RAD23B: variants seen among roughly 807,000 people sequenced by gnomAD.
RAD23B encodes the protein lysine-specific demethylase RAD23B.
In RAD23B, 5 loss-of-function variants were observed where a neutral mutation model predicts 49.1. The ratio of observed to expected loss-of-function variants is 0.10; its 90% CI spans 0.05 to 0.21. The LOEUF (loss-of-function observed/expected upper bound fraction) is 0.21, where lower values mean the gene tolerates loss of function less well. Among genes scored for constraint, RAD23B ranks in the 10% least tolerant of loss-of-function variants. RAD23B has a pLI of 1.00. For missense variants in RAD23B, 356 were observed against 486.7 expected (o/e 0.73, Z 2.53); for synonymous variants, 184 against 165.4 (o/e 1.11, Z -0.86).
At chr9:107,302,269 CAT>C (rs1028725877) in intron 3 of RAD23B, among the ~76,000 whole-genome samples, 155 bp downstream of exon 3, 4 of 152,138 alleles carry the variant, frequency 2.6e-5, no homozygotes, top group Admixed American at 2.0e-4. Flanking sequence ...TTAAGTGAAA[CAT>C]AAAGTTATTA....
intron 1 of RAD23B, among the ~76,000 whole-genome samples, chr9:107,289,446 A>G (rs949949494): frequency 2.0e-5 from 3 of 152,120 alleles, no homozygotes; most frequent in African/African-American, 7.2e-5. Flanking sequence ...TCAGCCTCCT[A>G]AAGTGCTGGG....
At chr9:107,313,248 C>T (rs984816496) in intron 5 of RAD23B, among the ~76,000 whole-genome samples, 7 of 151,432 alleles carry the variant, frequency 4.6e-5, no homozygotes, top group African/African-American at 9.7e-5. Flanking sequence ...CTTTTCCTTT[C>T]GTAGTCTCAC....
intron 1 of RAD23B, among the ~76,000 whole-genome samples, chr9:107,285,931 G>A (rs34745099): frequency 0.091 from 13,782 of 152,118 alleles, 811 homozygotes; most frequent in South Asian, 0.15. Flanking sequence ...TTTTTGATAC[G>A]ACACCTTAGA....
intron 4 of RAD23B, among the ~76,000 whole-genome samples, chr9:107,309,435 C>T (rs972914961): frequency 6.6e-6 from 1 of 152,104 alleles, no homozygotes; most frequent in Non-Finnish European, 1.5e-5. Context: ...AGACAAAACC[C>T]ATAAACAACA....
At chr9:107,306,817 A>G (rs998248669) in intron 4 of RAD23B, among the ~76,000 whole-genome samples, 170 bp downstream of exon 4, 3 of 152,132 alleles carry the variant, frequency 2.0e-5, no homozygotes, top group Non-Finnish European at 2.9e-5. Flanking sequence ...CTTACTAAGG[A>G]GAATATAAGT....
intron 6 of RAD23B, among the ~76,000 whole-genome samples, chr9:107,319,622 A>G (rs2133092855): frequency 6.6e-6 from 1 of 152,304 alleles, no homozygotes; most frequent in Admixed American, 6.5e-5. Context: ...AATCTAATTC[A>G]TTATCCTCTG....
chr9:107,323,836 CTGTT>C, intron 7 of RAD23B, 50 bp from the exon 8 acceptor site: 11 of 1,485,846 alleles, frequency 7.4e-6, no homozygotes, highest in Non-Finnish European at 1.0e-5. Context: ...TATTTAACCA[CTGTT>C]TGTGTATGTA....
intron 1 of RAD23B, among the ~76,000 whole-genome samples, chr9:107,295,694 C>T (rs536427452): frequency 1.5e-4 from 23 of 152,212 alleles, no homozygotes; most frequent in African/African-American, 3.9e-4. Flanking sequence ...TTTAGTGTAT[C>T]CTTTTCTCCA....
chr9:107,283,673 TA>T lies in RAD23B; in HGVS notation c.45del (p.Ile15MetfsTer9). On this transcript the variant is annotated frameshift_variant, in exon 1 of 10. Coordinates refer to ENST00000358015, the MANE Select transcript of RAD23B (RefSeq NM_002874.5). LOFTEE classifies it high-confidence loss of function. ...LKTLQQQTFK[I>X]DIDPEETVKA... Reference sequence around the variant, plus strand: ...ACCCTCCAGCAGCAGACCTTCAAGATAGACATTGACCCCGAGGAGACGGTAT... The same window carrying T: ...ACCCTCCAGCAGCAGACCTTCAAGATGACATTGACCCCGAGGAGACGGTAT... 6.8e-7 allele frequency: 1 copy of T among 1,481,296 alleles called. No individual in the cohort carries two copies. The highest frequency in any genetic ancestry group is 9.0e-7 in the Non-Finnish European group (1 of 1,113,502). 91.8% of individuals were successfully genotyped at this position (1,481,296 alleles called of 1,614,324 possible).
Position 107,311,749 on chromosome 9 carries a change from CT to C in RAD23B, c.553+16del. ...AACGAGTGCACTTGGTAAGTATCTG[CT>C]TTTCCTTATAAATAACCTATAAAGA... On this transcript the variant is annotated intron_variant, in intron 5 of 9. Coordinates refer to ENST00000358015, the MANE Select transcript of RAD23B (RefSeq NM_002874.5). 6.4e-7 allele frequency: 1 copy of C among 1,557,240 alleles called. No individual in the cohort carries two copies.
At position 107,324,208 on chromosome 9, in the gene RAD23B, TAA is replaced by T. The variant is rs565249225; in HGVS notation, c.945+193_945+194del. On this transcript the variant is annotated intron_variant, in intron 8 of 9. Transcript: ENST00000358015. ...AACAGTTGGGATATGGAGGTTGGGT[TAA>T]ATTAAGTTGACCAAATAGTAGTAAG... Among the ~76,000 whole-genome samples the T allele has an allele frequency of 2.0e-4, 30 of 152,356 alleles. No individual in the cohort carries two copies. In the East Asian group the frequency reaches 5.6e-3, roughly 28 times the overall value.
chr9:107,302,085 A>G lies in RAD23B; in HGVS notation c.199A>G (p.Lys67Glu). The change falls in exon 3 of 10, where the codon AAA (lysine) becomes GAA (glutamate). Residue 67 changes from lysine (K) to glutamate (E), a missense_variant. Lys to Glu is a moderately conservative substitution (Grantham distance 56). Around this residue, in one of 5 missense-constraint regions of RAD23B, gnomAD observed 32 missense variants for 62.3 expected, o/e 0.51. Coordinates refer to ENST00000358015, the MANE Select transcript of RAD23B (RefSeq NM_002874.5). ...TCTCAAAGAATATAAAATTGATGAG[A>G]AAAACTTTGTGGTGGTTATGGTGAC... is the stretch of plus-strand genomic sequence containing the variant. ...TALKEYKIDE[K>E]NFVVVMVTKP... is the part of the protein sequence containing the mutation. 2 of 1,613,414 alleles carry G rather than the reference A, an allele frequency of 1.2e-6. No individual in the cohort carries two copies. The highest frequency in any genetic ancestry group is 1.7e-6 in the Non-Finnish European group (2 of 1,179,774).
In RAD23B at chr9:107,322,114, T is replaced by C. The variant is rs1291638743; in HGVS notation, c.813T>C (p.Ser271=). 1.9e-6 allele frequency: 3 copies of C among 1,601,774 alleles called. No homozygotes were observed. In the East Asian group the frequency reaches 6.7e-5, roughly 36 times the overall value. The stretch of plus-strand genomic sequence containing the variant: ...CAGCAACAACTACAACAACAAGTTC[T>C]GGAGGTAAAGCGGAATCTTCTGGAT... ...TTTATTTTTS[S]GGHPLEFLRN... Residue 271 remains serine, a synonymous_variant, in exon 7 of 10, where the codon TCT becomes TCC. Transcript: ENST00000358015.
At chr9:107,308,692 A>ACAC (rs1328468033) in intron 4 of RAD23B, among the ~76,000 whole-genome samples, 1 of 152,226 alleles carries the variant, frequency 6.6e-6, no homozygotes, top group Non-Finnish European at 1.5e-5. Context: ...TGGACTTTGT[A>ACAC]CACCAACTGC....
At chr9:107,314,386 ACT>A (rs1308167703) in intron 5 of RAD23B, among the ~76,000 whole-genome samples, 1 of 151,788 alleles carries the variant, frequency 6.6e-6, no homozygotes, top group African/African-American at 2.4e-5. Context: ...CTGTTATTCC[ACT>A]CTATATGATG....
chr9:107,294,927 A>G (rs530240115), intron 1 of RAD23B, among the ~76,000 whole-genome samples: 2 of 152,294 alleles, frequency 1.3e-5, no homozygotes, highest in African/African-American at 4.8e-5. Context: ...GGCATCCTGG[A>G]AGCCAAGAGA....
chr9:107,315,935 T>C (rs955477888), intron 5 of RAD23B, among the ~76,000 whole-genome samples: 1 of 152,178 alleles, frequency 6.6e-6, no homozygotes, highest in African/African-American at 2.4e-5. Context: ...TTAGGAGTCA[T>C]AGTGTAATGA....
rs372397916 is a variant in RAD23B, at chr9:107,329,174, T to C, written c.1117-369T>C. Among the ~76,000 whole-genome samples the C allele has an allele frequency of 1.8e-4, 28 of 152,370 alleles. 1 individual carries two copies. In the South Asian group the frequency reaches 5.8e-3, roughly 32 times the overall value. On this transcript the variant is annotated intron_variant, in intron 9 of 9. Coordinates refer to ENST00000358015, the MANE Select transcript of RAD23B (RefSeq NM_002874.5). ...ATCCTTATCTTCACTCTTAATATAC[T>C]AAAAGCCATTTGATTTACATATTTC...
At chr9:107,290,741 T>C (rs1184298849) in intron 1 of RAD23B, among the ~76,000 whole-genome samples, 1 of 152,232 alleles carries the variant, frequency 6.6e-6, no homozygotes, top group African/African-American at 2.4e-5. Flanking sequence ...CCTGCTTTCA[T>C]CAGTTTTTAT....
Sources: gnomAD v4.1 joint callset for allele counts (sites outside exome capture counted in the v4.1 genomes callset) on GRCh38, gnomAD v4.1.1 for gene constraint, gnomAD v4.1.1 regional missense constraint, MANE v1.5 for transcripts, NCBI Gene and HGNC (gene_info 2026-07-23, HGNC 2026-07-21) for gene names.